Variants in AK5 observed in about 807,000 individuals in gnomAD.
AK5 encodes adenylate kinase isoenzyme 5.
Under a neutral mutation model 69.5 loss-of-function variants are expected in AK5, and 27 were observed. That is an observed-to-expected ratio of 0.39 (90% CI 0.29 to 0.54). The LOEUF (loss-of-function observed/expected upper bound fraction) is 0.54. Ranked by LOEUF, AK5 falls within the 20% of genes least tolerant of loss-of-function variation. The pLI is 0.71. For synonymous variants in AK5, 260 were observed against 244.4 expected (o/e 1.06, Z -0.60); for missense variants, 531 against 700.4 (o/e 0.76, Z 2.73).
chr1:77,500,343 A>G (rs1178826275), intron 10 of AK5, among the ~76,000 whole-genome samples: 4 of 152,218 alleles, frequency 2.6e-5, no homozygotes, highest in Non-Finnish European at 4.4e-5. Flanking sequence ...TTAGTCCACC[A>G]TTAGGTAGCT....
intron 5 of AK5, among the ~76,000 whole-genome samples, chr1:77,319,878 C>A (rs1660435347): frequency 6.6e-6 from 1 of 152,060 alleles, no homozygotes. Flanking sequence ...ACAAGTGTGC[C>A]CCACGTTATG....
At chr1:77,429,908 A>C (rs985338967) in intron 8 of AK5, among the ~76,000 whole-genome samples, 1 of 152,188 alleles carries the variant, frequency 6.6e-6, no homozygotes. Flanking sequence ...ATCCAAAAGA[A>C]GACCAGGATA....
chr1:77,377,534 T>C (rs1557543557), intron 6 of AK5, among the ~76,000 whole-genome samples: 2 of 152,154 alleles, frequency 1.3e-5, no homozygotes. Flanking sequence ...CTACAATAAC[T>C]CACTGCTTTC....
chr1:77,383,925 T>A (rs1205641991), intron 6 of AK5, among the ~76,000 whole-genome samples: 1 of 150,264 alleles, frequency 6.7e-6, no homozygotes. Flanking sequence ...AAAATGTATT[T>A]CCCTTCACTA....
intron 5 of AK5, among the ~76,000 whole-genome samples, chr1:77,317,652 C>T (rs977054344): frequency 2.0e-5 from 3 of 152,252 alleles, no homozygotes; most frequent in Admixed American, 2.0e-4. Flanking sequence ...TCATTCTTTC[C>T]ACATCTAGTC....
At chr1:77,340,741 TG>T in intron 6 of AK5, 173 bp downstream of exon 6, 1 of 380,386 alleles carries the variant, frequency 2.6e-6, no homozygotes, top group East Asian at 3.8e-5. Flanking sequence ...TAAGCCATCA[TG>T]TTTTTTTAAA....
chr1:77,398,651 A>G (rs1174825256), intron 6 of AK5, among the ~76,000 whole-genome samples: 2 of 152,226 alleles, frequency 1.3e-5, no homozygotes, highest in Non-Finnish European at 2.9e-5. Context: ...CGAGAACTGC[A>G]CAGTGTAATT....
chr1:77,373,854 T>C (rs578124530), intron 6 of AK5, among the ~76,000 whole-genome samples: 1 of 152,358 alleles, frequency 6.6e-6, no homozygotes, highest in African/African-American at 2.4e-5. Context: ...AATTTACTTT[T>C]GCTTTTGAAG....
chr1:77,526,421 C>CAGGACAGG (rs1269556821), intron 12 of AK5, among the ~76,000 whole-genome samples: 2 of 149,206 alleles, frequency 1.3e-5, no homozygotes, highest in African/African-American at 5.0e-5. Context: ...CCAGGAAAGT[C>CAGGACAGG]AGGACAGGTC....
chr1:77,355,243 T>C (rs528962214), intron 6 of AK5, among the ~76,000 whole-genome samples: 1 of 152,324 alleles, frequency 6.6e-6, no homozygotes, highest in African/African-American at 2.4e-5. Flanking sequence ...GACTGCAGCG[T>C]ACTTGTGATT....
At chr1:77,484,668 T>TA (rs1655477916) in intron 9 of AK5, among the ~76,000 whole-genome samples, 1 of 152,192 alleles carries the variant, frequency 6.6e-6, no homozygotes, top group South Asian at 2.1e-4. Context: ...AATTAACACA[T>TA]ACTATAGAAA....
intron 6 of AK5, among the ~76,000 whole-genome samples, chr1:77,343,413 G>A (rs555623435): frequency 1.3e-5 from 2 of 152,236 alleles, no homozygotes; most frequent in Admixed American, 1.3e-4. Context: ...GCCCTACAAG[G>A]TATAGCCTCT....
intron 6 of AK5, among the ~76,000 whole-genome samples, chr1:77,368,323 A>T (rs1647055652): frequency 9.3e-6 from 1 of 107,272 alleles, no homozygotes; most frequent in East Asian, 2.1e-4. Flanking sequence ...TATATATAAT[A>T]TATATGTTAT....
intron 6 of AK5, among the ~76,000 whole-genome samples, chr1:77,358,018 T>TGAGAGAGA (rs1553138076): frequency 3.1e-5 from 4 of 128,170 alleles, no homozygotes; most frequent in African/African-American, 5.5e-5. Flanking sequence ...TGTGTGTGTG[T>TGAGAGAGA]GAGAGAGAGA....
At chr1:77,364,603 A>G (rs1446260037) in intron 6 of AK5, among the ~76,000 whole-genome samples, 3 of 152,126 alleles carry the variant, frequency 2.0e-5, no homozygotes, top group African/African-American at 7.2e-5. Context: ...GCTTCCACCT[A>G]TGAGTGAGAC....
chr1:77,436,985 C>A (rs1454277300), intron 8 of AK5, among the ~76,000 whole-genome samples: 1 of 152,098 alleles, frequency 6.6e-6, no homozygotes, highest in African/African-American at 2.4e-5. Context: ...AGATCGTTCT[C>A]TTTTTAGGAT....
At chr1:77,369,409 T>TA (rs1405241996) in intron 6 of AK5, among the ~76,000 whole-genome samples, 1 of 152,174 alleles carries the variant, frequency 6.6e-6, no homozygotes, top group Non-Finnish European at 1.5e-5. Flanking sequence ...TGTTTTTTCT[T>TA]ATGAAAGCAG....
intron 8 of AK5, among the ~76,000 whole-genome samples, chr1:77,447,035 G>A (rs1394161962): frequency 6.6e-6 from 1 of 152,158 alleles, no homozygotes; most frequent in African/African-American, 2.4e-5. Flanking sequence ...GTGGTCTACT[G>A]CAAAAATAAG....
rs147092224 is a variant in AK5 at position 77,293,905 on chromosome 1, G to C, written c.360G>C (p.Glu120Asp). 1 of 1,613,434 alleles carries C rather than the reference G, an allele frequency of 6.2e-7. No homozygotes were observed. The highest frequency in any genetic ancestry group is 8.5e-7 in the Non-Finnish European group (1 of 1,179,784). ...TDLSETAELI[E>D]EYEVFDPTRP... ...TCTCTGAGACTGCAGAGTTGATTGA[G>C]GAGTATGAGGTTTTTGATCCTACCA... The change falls in exon 3 of 14, where the codon GAG (glutamate) becomes GAC (aspartate). Residue 120 changes from glutamate (E) to aspartate (D), a missense_variant. Coordinates refer to ENST00000354567, the MANE Select transcript of AK5 (RefSeq NM_174858.3).
Sources: gnomAD v4.1 joint callset for allele counts (sites outside exome capture counted in the v4.1 genomes callset) on GRCh38, gnomAD v4.1.1 for gene constraint, MANE v1.5 for transcripts, NCBI Gene and HGNC (gene_info 2026-07-23, HGNC 2026-07-21) for gene names.